SHISA9: variants seen among roughly 807,000 people sequenced by gnomAD.
The protein encoded by SHISA9 is protein shisa-9.
SHISA9 carries 13 observed loss-of-function variants against 38.0 expected under a neutral mutation model. The ratio of observed to expected loss-of-function variants is 0.34; its 90% CI spans 0.22 to 0.54. The LOEUF is 0.54. Among genes scored for constraint, SHISA9 ranks in the 20% least tolerant of loss-of-function variants. The pLI, the probability that SHISA9 is intolerant of heterozygous loss-of-function variation, is 0.91. For missense variants in SHISA9, 538 were observed against 575.8 expected (o/e 0.93, Z 0.67); for synonymous variants, 275 against 242.0 (o/e 1.14, Z -1.27).
At chr16:13,469,581 A>G in the SHISA9 span, among the ~76,000 whole-genome samples, 1 of 152,076 alleles carries the variant, frequency 6.6e-6, no homozygotes, top group East Asian at 1.9e-4. Context: ...TGCTCATCCA[A>G]ATGACTCTGG....
At chr16:13,539,922 T>A in the SHISA9 span, among the ~76,000 whole-genome samples, 5 of 93,422 alleles carry the variant, frequency 5.4e-5, no homozygotes, top group Non-Finnish European at 7.0e-5. Context: ...GCAAAGAACA[T>A]GATCCTACTC....
the SHISA9 span, among the ~76,000 whole-genome samples, chr16:13,259,492 G>T: frequency 6.6e-6 from 1 of 152,194 alleles, no homozygotes; most frequent in South Asian, 2.1e-4. Context: ...TCTGTGTGGG[G>T]GCTCCAACCT....
At chr16:13,386,445 C>T in the SHISA9 span, among the ~76,000 whole-genome samples, 1 of 152,278 alleles carries the variant, frequency 6.6e-6, no homozygotes, top group Admixed American at 6.5e-5. Context: ...TCTGATTCCA[C>T]CACTCAGTAG....
chr16:13,395,739 C>T, the SHISA9 span, among the ~76,000 whole-genome samples: 6 of 152,230 alleles, frequency 3.9e-5, no homozygotes, highest in Middle Eastern at 3.4e-3. Context: ...AACATTGTAG[C>T]GAGGGAGTCG....
intron 2 of SHISA9, among the ~76,000 whole-genome samples, chr16:13,153,311 G>A (rs1042619157): frequency 1.3e-5 from 2 of 152,092 alleles, no homozygotes; most frequent in Non-Finnish European, 2.9e-5. Context: ...ATAATAGAGT[G>A]TGCCTTTAAA....
At chr16:12,975,121 TTTTG>T (rs1484947700) in intron 2 of SHISA9, among the ~76,000 whole-genome samples, 1 of 152,192 alleles carries the variant, frequency 6.6e-6, no homozygotes, top group African/African-American at 2.4e-5. Flanking sequence ...CTTGAGGGGC[TTTTG>T]TTTAAGTGTG....
chr16:13,331,496 A>G, the SHISA9 span: 1 of 152,164 alleles, frequency 6.6e-6, no homozygotes, highest in Non-Finnish European at 1.5e-5. Flanking sequence ...AGCAAATCAC[A>G]TTATACATAA....
At chr16:13,332,914 T>C in the SHISA9 span, among the ~76,000 whole-genome samples, 14 of 152,208 alleles carry the variant, frequency 9.2e-5, no homozygotes, top group Admixed American at 2.6e-4. Flanking sequence ...TCCAGGGGCT[T>C]CCTGATGTAT....
intron 1 of SHISA9, chr16:12,911,368 T>C: frequency 1.0e-6 from 1 of 985,434 alleles, no homozygotes; most frequent in African/African-American, 1.7e-5. Context: ...ATTCATTACA[T>C]TTTTTCAGCA....
intron 3 of SHISA9, among the ~76,000 whole-genome samples, chr16:13,211,028 G>A (rs2051114030): frequency 6.6e-6 from 1 of 152,170 alleles, no homozygotes; most frequent in African/African-American, 2.4e-5. Flanking sequence ...TGGGCACAGT[G>A]GCTCATGCCT....
chr16:13,423,241 C>T, the SHISA9 span, among the ~76,000 whole-genome samples: 17 of 152,310 alleles, frequency 1.1e-4, no homozygotes, highest in African/African-American at 3.6e-4. Flanking sequence ...CCAGGCAGTA[C>T]AGAAATTGTC....
the SHISA9 span, among the ~76,000 whole-genome samples, chr16:13,561,295 C>T: frequency 6.6e-6 from 1 of 152,182 alleles, no homozygotes; most frequent in African/African-American, 2.4e-5. Context: ...TTGAGAGAAT[C>T]AGTGGTCTCC....
chr16:12,958,197 T>C (rs757238207), intron 2 of SHISA9, among the ~76,000 whole-genome samples: 7 of 152,252 alleles, frequency 4.6e-5, no homozygotes, highest in Non-Finnish European at 7.3e-5. Flanking sequence ...AAAACCGTTA[T>C]CATCTGACAA....
the SHISA9 span, among the ~76,000 whole-genome samples, chr16:13,360,809 T>C: frequency 6.6e-6 from 1 of 152,162 alleles, no homozygotes; most frequent in Non-Finnish European, 1.5e-5. Flanking sequence ...AGTGGATAAA[T>C]GCTTCAGCCT....
chr16:13,219,562 C>G (rs1440254905), intron 4 of SHISA9, among the ~76,000 whole-genome samples: 1 of 152,068 alleles, frequency 6.6e-6, no homozygotes, highest in Non-Finnish European at 1.5e-5. Flanking sequence ...AGTAAATATC[C>G]CAGGTTTTGC....
chr16:13,203,278 G>A (rs181527168), intron 2 of SHISA9, 116 bp from the exon 3 acceptor site: 70 of 1,034,618 alleles, frequency 6.8e-5, no homozygotes, highest in Non-Finnish European at 8.4e-5. Flanking sequence ...GCTGTTTTGC[G>A]ACTTGCGTCC....
At chr16:12,924,988 G>A (rs2071375125) in intron 2 of SHISA9, among the ~76,000 whole-genome samples, 1 of 152,152 alleles carries the variant, frequency 6.6e-6, no homozygotes, top group South Asian at 2.1e-4. Flanking sequence ...CATAGTGCCT[G>A]GTAACATAAA....
At chr16:13,429,679 C>T in the SHISA9 span, among the ~76,000 whole-genome samples, 1 of 152,090 alleles carries the variant, frequency 6.6e-6, no homozygotes, top group African/African-American at 2.4e-5. Context: ...TTGGGGGTTA[C>T]ATAACTCAAA....
intron 2 of SHISA9, among the ~76,000 whole-genome samples, chr16:13,066,906 A>C (rs1382506757): frequency 4.6e-5 from 7 of 152,140 alleles, no homozygotes; most frequent in Admixed American, 3.9e-4. Context: ...AGACTCTAGA[A>C]GTTTTGTTCT....
Sources: gnomAD v4.1 joint callset for allele counts (sites outside exome capture counted in the v4.1 genomes callset) on GRCh38, gnomAD v4.1.1 for gene constraint, MANE v1.5 for transcripts, NCBI Gene and HGNC (gene_info 2026-07-23, HGNC 2026-07-21) for gene names.